Variants in RELN observed in about 807,000 individuals in gnomAD.
The protein encoded by RELN is reelin.
Under a neutral mutation model 427.6 loss-of-function variants are expected in RELN, and 108 were observed. That is an observed-to-expected ratio of 0.25 (90% CI 0.22 to 0.30). RELN has a LOEUF of 0.30. Among genes scored for constraint, RELN ranks in the 10% least tolerant of loss-of-function variants. The pLI is 1.00. For missense variants in RELN, 3,715 were observed against 4,302.8 expected (o/e 0.86, Z 3.82); for synonymous variants, 1,524 against 1,513.4 (o/e 1.01, Z -0.16).
At chr7:103,666,428 A>G (rs1833269351) in intron 11 of RELN, among the ~76,000 whole-genome samples, 1 of 152,138 alleles carries the variant, frequency 6.6e-6, no homozygotes, top group African/African-American at 2.4e-5. Flanking sequence ...TCTTCTTTCA[A>G]AATGACTTAG....
chr7:103,702,457 T>C (rs1834114226), intron 8 of RELN, among the ~76,000 whole-genome samples: 1 of 152,192 alleles, frequency 6.6e-6, no homozygotes, highest in Non-Finnish European at 1.5e-5. Context: ...AAAATATTCC[T>C]TACAGAATGC....
chr7:103,965,138 G>A (rs1404684867), intron 1 of RELN, among the ~76,000 whole-genome samples: 7 of 152,184 alleles, frequency 4.6e-5, no homozygotes, highest in Non-Finnish European at 8.8e-5. Flanking sequence ...AGTGGTCAGA[G>A]AACCTTTATT....
At chr7:103,675,800 T>C (rs1833506402) in intron 11 of RELN, among the ~76,000 whole-genome samples, 1 of 152,212 alleles carries the variant, frequency 6.6e-6, no homozygotes, top group African/African-American at 2.4e-5. Flanking sequence ...AGATTCCCTA[T>C]TTAATAAACG....
At chr7:103,542,965 T>TA in intron 42 of RELN, 87 bp from the exon 43 acceptor site, 1 of 1,336,448 alleles carries the variant, frequency 7.5e-7, no homozygotes, top group East Asian at 2.4e-5. Context: ...GTAAATGCAT[T>TA]ATGTAGTTTC....
At chr7:103,797,068 TGGGAGTCA>T (rs1792322427) in intron 3 of RELN, among the ~76,000 whole-genome samples, 2 of 152,014 alleles carry the variant, frequency 1.3e-5, no homozygotes, top group African/African-American at 4.8e-5. Flanking sequence ...ATGTTTTATT[TGGGAGTCA>T]TTTTATTTTA....
At chr7:103,669,603 A>T (rs1833346646) in intron 11 of RELN, among the ~76,000 whole-genome samples, 1 of 152,116 alleles carries the variant, frequency 6.6e-6, no homozygotes, top group Admixed American at 6.6e-5. Context: ...TAATAATTAC[A>T]TGAAGTAAAA....
At chr7:103,552,050 C>T (rs561066431) in intron 40 of RELN, among the ~76,000 whole-genome samples, 26 of 151,954 alleles carry the variant, frequency 1.7e-4, no homozygotes, top group Non-Finnish European at 2.6e-4. Context: ...GATCTCTAGA[C>T]GTACTCATCC....
chr7:103,671,244 A>G (rs1267204422), intron 11 of RELN, among the ~76,000 whole-genome samples: 2 of 152,176 alleles, frequency 1.3e-5, no homozygotes, highest in Non-Finnish European at 2.9e-5. Flanking sequence ...AGAACAGCTT[A>G]GGTGAAGGTA....
At chr7:103,792,497 T>C (rs1043680545) in intron 3 of RELN, among the ~76,000 whole-genome samples, 1 of 149,598 alleles carries the variant, frequency 6.7e-6, no homozygotes, top group Non-Finnish European at 1.5e-5. Context: ...ATTCCATTTA[T>C]ATGAAATGTC....
At position 103,565,424 on chromosome 7, in the gene RELN, C is replaced by T. The variant is rs376512990; in HGVS notation, c.5064G>A (p.Leu1688=). 1 of 1,613,998 alleles carries T rather than the reference C, an allele frequency of 6.2e-7. No homozygotes were observed. The highest frequency in any genetic ancestry group is 8.5e-7 in the Non-Finnish European group (1 of 1,179,966). ...NSHSVQLQYS[L]NNGKDWHLVT... ...CAAGATGCCAGTCCTTGCCATTGTT[C>T]AGAGAATACTGGAGCTGTACACTGT... is the stretch of plus-strand genomic sequence containing the variant. Residue 1688 remains leucine (L), a synonymous_variant, in exon 34 of 65, where the codon CTG becomes CTA. Coordinates refer to ENST00000428762, the MANE Select transcript of RELN (RefSeq NM_005045.4).
At position 103,573,968 on chromosome 7, in the gene RELN, A is replaced by G. The variant is rs761658724; in HGVS notation, c.4511+124T>C. 2.2e-5 allele frequency: 18 copies of G among 821,098 alleles called. No homozygotes were observed. Among genetic ancestry groups the G allele is most frequent in the Non-Finnish European group, 3.7e-5 (18 of 485,542 alleles). The allele number at this position is 821,098 out of a possible 1,614,324, so 50.9% of individuals were successfully genotyped here. A position where few individuals can be genotyped will look rare whatever the true frequency, so the allele number is the denominator to read the frequency against. On this transcript the variant is annotated intron_variant, in intron 30 of 64. Transcript: ENST00000428762. The surrounding 1 kb of genome is among the most constrained non-coding windows in gnomAD (Gnocchi z 4.4). ...AAAGTTATCTTCATTTTTACATATC[A>G]TAATCTATATACAGAAACATTATTG...
At chr7:103,853,784 G>C (rs1793879582) in intron 2 of RELN, among the ~76,000 whole-genome samples, 1 of 151,884 alleles carries the variant, frequency 6.6e-6, no homozygotes, top group Non-Finnish European at 1.5e-5. Flanking sequence ...TAGATTAAAA[G>C]TTAATAGACA....
chr7:103,522,226 A>G, intron 47 of RELN, 27 bp from the exon 48 acceptor site: 1 of 1,610,914 alleles, frequency 6.2e-7, no homozygotes, highest in Non-Finnish European at 8.5e-7. Flanking sequence ...AGAGAGGAAA[A>G]GTCAACATCA....
intron 2 of RELN, among the ~76,000 whole-genome samples, chr7:103,877,463 T>C (rs1426632602): frequency 6.6e-6 from 1 of 152,178 alleles, no homozygotes; most frequent in Non-Finnish European, 1.5e-5. Context: ...GTAGATTTTA[T>C]TTCTGTAATA....
intron 24 of RELN, among the ~76,000 whole-genome samples, chr7:103,598,240 A>G (rs905473883): frequency 1.3e-5 from 2 of 152,208 alleles, no homozygotes; most frequent in Admixed American, 6.5e-5. Context: ...CAGAGACAGA[A>G]ACTCATTCTT....
intron 6 of RELN, among the ~76,000 whole-genome samples, chr7:103,740,866 G>T (rs1343747323): frequency 1.3e-5 from 2 of 151,074 alleles, no homozygotes; most frequent in East Asian, 3.8e-4. Context: ...AATCCCAGGG[G>T]GAAAATATGC....
At chr7:103,639,419 A>AGAT (rs1478847075) in intron 17 of RELN, among the ~76,000 whole-genome samples, 2 of 128,176 alleles carry the variant, frequency 1.6e-5, no homozygotes, top group Non-Finnish European at 3.2e-5. Context: ...TTTTTTTTTG[A>AGAT]GATGGAGTCT....
chr7:103,831,786 T>C (rs889060728), intron 3 of RELN, among the ~76,000 whole-genome samples: 2 of 152,122 alleles, frequency 1.3e-5, no homozygotes, highest in African/African-American at 4.8e-5. Flanking sequence ...TTCAAACCTA[T>C]ATCAAAGGTT....
At chr7:103,811,660 C>T (rs1048498318) in intron 3 of RELN, among the ~76,000 whole-genome samples, 5 of 152,146 alleles carry the variant, frequency 3.3e-5, no homozygotes, top group African/African-American at 7.2e-5. Context: ...AAACTACATA[C>T]GTACCAGATT....
Sources: allele counts gnomAD v4.1 joint callset (sites outside exome capture counted in the v4.1 genomes callset), GRCh38; gene constraint gnomAD v4.1.1; non-coding constraint Gnocchi (gnomAD v3.1); transcripts MANE v1.5; gene names NCBI Gene and HGNC (gene_info 2026-07-23, HGNC 2026-07-21).